NALCN: variants seen among roughly 807,000 people sequenced by gnomAD.
NALCN encodes sodium leak channel, non-selective.
NALCN carries 111 observed loss-of-function variants against 225.3 expected under a neutral mutation model. The observed-to-expected ratio is 0.49, with a 90% CI of 0.42 to 0.58. The LOEUF is 0.58. NALCN is among the 20% of genes least tolerant of loss of function. The pLI is 0.00. For synonymous variants in NALCN, 764 were observed against 769.0 expected, an observed-to-expected ratio of 0.99 and a Z score of 0.11; for missense variants, 1,378 against 2,202.4, an observed-to-expected ratio of 0.63 and a Z score of 7.49.
chr13:101,095,724 A>G (rs2034468850), intron 27 of NALCN, 44 bp from the exon 28 acceptor site: 2 of 1,464,326 alleles, frequency 1.4e-6, no homozygotes, highest in Middle Eastern at 3.5e-4. Context: ...TGGTCAGAAA[A>G]TGAACTCAGA....
In NALCN at chr13:101,113,647, T is replaced by A. The variant is rs548590459; in HGVS notation, c.2193-2421A>T. Among the ~76,000 whole-genome samples the A allele has an allele frequency of 9.8e-5, 15 of 152,292 alleles. No homozygotes were observed. The South Asian group carries it at 1.2e-3, about 13-fold the overall frequency. On this transcript the variant is annotated intron_variant, in intron 18 of 43. Transcript: ENST00000251127. The stretch of plus-strand genomic sequence containing the variant: ...TAAGCATATACAGTAAGGCAAACCA[T>A]GAAATAAATACCAAATAGTGTTTTA...
chr13:101,081,761 A>G, intron 33 of NALCN, 115 bp from the exon 34 acceptor site: 6 of 1,293,708 alleles, frequency 4.6e-6, no homozygotes, highest in Non-Finnish European at 6.3e-6. Flanking sequence ...AAAATTTTAA[A>G]TTATTTGATG....
chr13:101,254,460 T>A (rs1298634564), intron 11 of NALCN, among the ~76,000 whole-genome samples: 1 of 151,478 alleles, frequency 6.6e-6, no homozygotes, highest in Non-Finnish European at 1.5e-5. Flanking sequence ...GCTTAAGTAG[T>A]TCAAGAGTAC....
chr13:101,241,568 G>A (rs12583902), intron 11 of NALCN, among the ~76,000 whole-genome samples: 23,957 of 151,916 alleles, frequency 0.16, 2,244 homozygotes, highest in East Asian at 0.35. Context: ...TCAGCCTCCC[G>A]AGTAGCTGGA....
At chr13:101,305,431 G>A (rs1354976029) in intron 7 of NALCN, among the ~76,000 whole-genome samples, 1 of 152,196 alleles carries the variant, frequency 6.6e-6, no homozygotes, top group Non-Finnish European at 1.5e-5. Context: ...AGAGGCACAA[G>A]GACATTTTAT....
chr13:101,400,566 T>C, intron 1 of NALCN, among the ~76,000 whole-genome samples: 1 of 130,888 alleles, frequency 7.6e-6, no homozygotes, highest in South Asian at 2.4e-4. Flanking sequence ...TGTGTGTGTG[T>C]GTGTGTGTGT....
chr13:101,251,109 T>C (rs1371798397), intron 11 of NALCN, among the ~76,000 whole-genome samples: 1 of 152,102 alleles, frequency 6.6e-6, no homozygotes, highest in Non-Finnish European at 1.5e-5. Flanking sequence ...AGTGAGCATA[T>C]CTGACAAATT....
At chr13:101,306,524 T>C (rs1255867458) in intron 7 of NALCN, among the ~76,000 whole-genome samples, 2 of 152,230 alleles carry the variant, frequency 1.3e-5, no homozygotes, top group Non-Finnish European at 2.9e-5. Flanking sequence ...GTGATTCTTT[T>C]ATACCAGTCC....
chr13:101,336,154 T>C (rs2045371165), intron 7 of NALCN, among the ~76,000 whole-genome samples: 1 of 152,110 alleles, frequency 6.6e-6, no homozygotes, highest in Non-Finnish European at 1.5e-5. Flanking sequence ...GTGGATCCAT[T>C]GTCAATCCTA....
chr13:101,211,786 GA>G (rs1351177918), intron 13 of NALCN, among the ~76,000 whole-genome samples: 4 of 151,594 alleles, frequency 2.6e-5, no homozygotes, highest in African/African-American at 9.7e-5. Context: ...ATGAAACTGT[GA>G]AAGATTTGAC....
chr13:101,389,050 C>T (rs2047070263), intron 3 of NALCN, among the ~76,000 whole-genome samples: 1 of 152,178 alleles, frequency 6.6e-6, no homozygotes, highest in Admixed American at 6.5e-5. Flanking sequence ...CCAACTTTCT[C>T]CCAAGATGGC....
intron 13 of NALCN, among the ~76,000 whole-genome samples, chr13:101,202,703 A>G (rs370123065): frequency 6.6e-5 from 10 of 152,270 alleles, no homozygotes; most frequent in African/African-American, 2.4e-4. Flanking sequence ...AGGGACTTCG[A>G]CACTGCCAAC....
At chr13:101,284,052 C>A in intron 9 of NALCN, 33 bp from the exon 10 acceptor site, 1 of 1,576,206 alleles carries the variant, frequency 6.3e-7, no homozygotes. Context: ...GAGTCAGAGA[C>A]ATTTAATATG....
chr13:101,113,317 T>C (rs147475807), intron 18 of NALCN, among the ~76,000 whole-genome samples: 29 of 152,314 alleles, frequency 1.9e-4, no homozygotes, highest in African/African-American at 6.0e-4. Flanking sequence ...GGAAGTTTTA[T>C]GACCCTTTGG....
chr13:101,192,145 A>C, intron 13 of NALCN, 91 bp from the exon 14 acceptor site: 34 of 1,417,532 alleles, frequency 2.4e-5, no homozygotes, highest in African/African-American at 3.0e-5. Flanking sequence ...CTTTGATCTC[A>C]ATATTATTGA....
At position 101,237,765 on chromosome 13, in the gene NALCN, G is replaced by C; in HGVS notation, c.1424C>G (p.Thr475Arg). 1.3e-6 allele frequency: 2 copies of C among 1,569,942 alleles called. No homozygotes were observed. Among genetic ancestry groups the C allele is most frequent in the Non-Finnish European group, 1.7e-6 (2 of 1,162,268 alleles). Residue 475 changes from threonine to arginine, a missense_variant, in exon 12 of 44, where the codon ACG (threonine) becomes AGG (arginine). Transcript: ENST00000251127. ...VYPDLYHSQF[T>R]YFQVLRVVRL... is the part of the protein sequence containing the mutation. ...CATTATTTTTATTACCTGAAAGTAC[G>C]TGAATTGTGAATGATAAAGATCTGG... is the stretch of plus-strand genomic sequence containing the variant.
chr13:101,364,714 C>T (rs186197366), intron 6 of NALCN, among the ~76,000 whole-genome samples: 1 of 152,054 alleles, frequency 6.6e-6, no homozygotes, highest in Non-Finnish European at 1.5e-5. Flanking sequence ...TTACATATTT[C>T]AAAATAGCTA....
At chr13:101,066,655 A>C (rs1292087207) in intron 39 of NALCN, among the ~76,000 whole-genome samples, 2 of 152,142 alleles carry the variant, frequency 1.3e-5, no homozygotes, top group Admixed American at 1.3e-4. Context: ...TGAGGAGCTG[A>C]GAGTGAGCTC....
At chr13:101,216,949 C>A (rs1422022292) in intron 13 of NALCN, among the ~76,000 whole-genome samples, 1 of 152,078 alleles carries the variant, frequency 6.6e-6, no homozygotes, top group Non-Finnish European at 1.5e-5. Flanking sequence ...AATTTAAGTA[C>A]TTTGTGTTAT....
Sources: allele counts gnomAD v4.1 joint callset (sites outside exome capture counted in the v4.1 genomes callset), GRCh38; gene constraint gnomAD v4.1.1; transcripts MANE v1.5; gene names NCBI Gene and HGNC (gene_info 2026-07-23, HGNC 2026-07-21).